The following SMPX variants were observed in gnomAD, a reference collection of about 807,000 sequenced individuals.
SMPX encodes small muscle protein X-linked.
SMPX carries 2 observed loss-of-function variants against 6.3 expected under a neutral mutation model. The ratio of observed to expected loss-of-function variants is 0.32; its 90% CI spans 0.13 to 0.99. The LOEUF (loss-of-function observed/expected upper bound fraction) is 0.99. Among genes scored for constraint, SMPX ranks in the 50% least tolerant of loss-of-function variants. The pLI is 0.49. For synonymous variants in SMPX, 32 were observed against 24.7 expected (o/e 1.30, Z -0.88); for missense variants, 60 against 66.8 (o/e 0.90, Z 0.36).
At position 21,754,717 on chromosome X, in the gene SMPX, G is replaced by T. The variant is rs183662673; in HGVS notation, c.-12-415C>A. 1.5e-3 allele frequency among the ~76,000 whole-genome samples: 167 copies of T among 112,195 alleles called. 2 individuals are homozygous for T. The highest frequency in any genetic ancestry group is 5.0e-3 in the African/African-American group (153 of 30,887). On this transcript the variant is annotated intron_variant, in intron 1 of 4. Transcript: ENST00000379494. Reference sequence around the variant, plus strand: ...TTTGATCTGAATTCATAATTGCCAGGGTTGCTATAGTCCATTGGGAGTGCC... The same window carrying T: ...TTTGATCTGAATTCATAATTGCCAGTGTTGCTATAGTCCATTGGGAGTGCC...
intron 4 of SMPX, among the ~76,000 whole-genome samples, chrX:21,706,731 G>A (rs189668874): frequency 1.6e-3 from 173 of 110,659 alleles, no homozygotes; most frequent in African/African-American, 5.4e-3. Context: ...CAAGGGTGGG[G>A]CCAGATGGAG....
In SMPX at chrX:21,757,953, A is replaced by G; in HGVS notation, c.-24T>C. On this transcript the variant is annotated 5_prime_UTR_variant, in exon 1 of 5. Transcript: ENST00000379494. The stretch of plus-strand genomic sequence containing the variant: ...GTCCTTCTGCTTACCTGCTTTATGT[A>G]TTTGTTTACTGCCTAAGGGAAGTCC... 1 of 329,211 alleles carries G rather than the reference A, an allele frequency of 3.0e-6. No individual in the cohort carries two copies. The highest frequency in any genetic ancestry group is 5.9e-6 in the Non-Finnish European group (1 of 169,949). 27.1% of individuals were successfully genotyped at this position (329,211 alleles called of 1,213,427 possible).
intron 4 of SMPX, among the ~76,000 whole-genome samples, chrX:21,707,184 G>C (rs2092773916): frequency 9.2e-6 from 1 of 108,783 alleles, no homozygotes; most frequent in Non-Finnish European, 1.9e-5. Flanking sequence ...ATATAAGTAA[G>C]ATCATGCCAT....
chrX:21,745,341 A>G (rs1328359432), intron 2 of SMPX, among the ~76,000 whole-genome samples: 1 of 111,662 alleles, frequency 9.0e-6, no homozygotes, highest in Non-Finnish European at 1.9e-5. Flanking sequence ...AGGAGGGGGC[A>G]TAAGAGAGGA....
At chrX:21,751,791 G>A (rs1484213866) in intron 2 of SMPX, among the ~76,000 whole-genome samples, 1 of 112,026 alleles carries the variant, frequency 8.9e-6, no homozygotes, top group Non-Finnish European at 1.9e-5. Flanking sequence ...AGCTTTAAAT[G>A]GTATTTACAC....
intron 3 of SMPX, among the ~76,000 whole-genome samples, chrX:21,742,464 C>T (rs926669115): frequency 8.9e-6 from 1 of 112,276 alleles, no homozygotes; most frequent in African/African-American, 3.2e-5. Context: ...CTCTGAAATA[C>T]TTGGCCCAAG....
chrX:21,752,604 G>A (rs1056231743), intron 2 of SMPX, among the ~76,000 whole-genome samples: 3 of 110,482 alleles, frequency 2.7e-5, no homozygotes, highest in Admixed American at 9.6e-5. Context: ...AGCAACCTCC[G>A]CCTCCCAGGT....
chrX:21,744,489 A>G (rs1694859187), intron 2 of SMPX, among the ~76,000 whole-genome samples: 1 of 112,165 alleles, frequency 8.9e-6, no homozygotes, highest in South Asian at 3.7e-4. Flanking sequence ...AATCTCCATC[A>G]GTGGTAAACA....
At chrX:21,715,303 TGC>T (rs1555971890) in intron 4 of SMPX, among the ~76,000 whole-genome samples, 69 of 86,081 alleles carry the variant, frequency 8.0e-4, no homozygotes, top group Middle Eastern at 5.8e-3. Context: ...TGTGTGTGTG[TGC>T]GCGCACGCGC....
At chrX:21,729,367 C>T (rs1472654941) in intron 4 of SMPX, among the ~76,000 whole-genome samples, 1 of 112,177 alleles carries the variant, frequency 8.9e-6, no homozygotes, top group Non-Finnish European at 1.9e-5. Context: ...GGGGCTGGAT[C>T]ATTCTTTGTT....
intron 4 of SMPX, among the ~76,000 whole-genome samples, chrX:21,707,441 T>C (rs1251704143): frequency 1.8e-5 from 2 of 112,123 alleles, no homozygotes; most frequent in African/African-American, 6.5e-5. Flanking sequence ...TAAATTAAGA[T>C]AGCTTCTCCT....
In SMPX at chrX:21,706,245, C is replaced by A. The variant is rs975561770; in HGVS notation, c.*164G>T. On this transcript the variant is annotated 3_prime_UTR_variant, in exon 5 of 5. Coordinates refer to ENST00000379494, the MANE Select transcript of SMPX (RefSeq NM_014332.3). ...AATGAAGATAAAGTAAGAAATACAGCCAACTAGAAGGAAGAGATATAAATG... is the reference window on the plus strand; with the variant it reads ...AATGAAGATAAAGTAAGAAATACAGACAACTAGAAGGAAGAGATATAAATG... 1 of 505,176 alleles carries A rather than the reference C, an allele frequency of 2.0e-6. No homozygotes were observed. The highest frequency in any genetic ancestry group is 2.3e-5 in the African/African-American group (1 of 43,610). 41.6% of individuals were successfully genotyped at this position (505,176 alleles called of 1,213,427 possible).
chrX:21,723,281 T>G (rs1014980920), intron 4 of SMPX, among the ~76,000 whole-genome samples: 4 of 112,118 alleles, frequency 3.6e-5, no homozygotes, highest in Non-Finnish European at 7.5e-5. Context: ...TAGATGATTC[T>G]GATTCATGTG....
intron 2 of SMPX, among the ~76,000 whole-genome samples, chrX:21,750,724 C>T (rs1329045361): frequency 9.8e-5 from 11 of 111,701 alleles, no homozygotes; most frequent in Admixed American, 1.9e-4. Flanking sequence ...ATCTCTTCTT[C>T]AGTGTGGATG....
chrX:21,732,735 A>T (rs1459305665), intron 4 of SMPX, among the ~76,000 whole-genome samples: 1 of 111,802 alleles, frequency 8.9e-6, no homozygotes, highest in Non-Finnish European at 1.9e-5. Flanking sequence ...GAGGAAGAGG[A>T]CTCTTATGGA....
chrX:21,725,635 T>C (rs931858457), intron 4 of SMPX, among the ~76,000 whole-genome samples: 9 of 112,289 alleles, frequency 8.0e-5, no homozygotes, highest in African/African-American at 2.9e-4. Flanking sequence ...CTTGGAAACA[T>C]GAGCTGCTGC....
intron 2 of SMPX, among the ~76,000 whole-genome samples, chrX:21,746,272 A>G (rs150539891): frequency 0.031 from 3,474 of 111,740 alleles, 131 homozygotes; most frequent in African/African-American, 0.11. Flanking sequence ...TATCATCTTC[A>G]TTTTACTGAT....
At chrX:21,756,059 C>T (rs1261248995) in intron 1 of SMPX, among the ~76,000 whole-genome samples, 7 of 111,860 alleles carry the variant, frequency 6.3e-5, no homozygotes, top group Non-Finnish European at 7.5e-5. Context: ...TAATTTTTAA[C>T]GTTTTTATTC....
In SMPX at chrX:21,706,132, A is replaced by G. The variant is rs1182048431; in HGVS notation, c.*277T>C. 5 of 513,061 alleles carry G rather than the reference A, an allele frequency of 9.7e-6. No homozygotes were observed. In the South Asian group the frequency reaches 1.2e-4, roughly 13 times the overall value. 42.3% of individuals were successfully genotyped at this position (513,061 alleles called of 1,213,427 possible). ...TCAAAATCGTTAGGCACATTGCCAT[A>G]TCATTCTCCATAAAATCATATCCCT... On this transcript the variant is annotated 3_prime_UTR_variant, in exon 5 of 5. Coordinates refer to ENST00000379494, the MANE Select transcript of SMPX (RefSeq NM_014332.3).
Sources: gnomAD v4.1 joint callset for allele counts (sites outside exome capture counted in the v4.1 genomes callset) on GRCh38, gnomAD v4.1.1 for gene constraint, MANE v1.5 for transcripts, NCBI Gene and HGNC (gene_info 2026-07-23, HGNC 2026-07-21) for gene names.